The following PARM1 variants were observed in gnomAD, a reference collection of about 807,000 sequenced individuals.
The protein encoded by PARM1 is WSC4, cell wall integrity and stress response component 4 homolog.
In PARM1, 14 loss-of-function variants were observed where a neutral mutation model predicts 24.6. The ratio of observed to expected loss-of-function variants is 0.57; its 90% confidence interval spans 0.38 to 0.89. The LOEUF (loss-of-function observed/expected upper bound fraction) is 0.89, where lower values mean the gene tolerates loss of function less well. PARM1 is among the 40% of genes least tolerant of loss of function. PARM1 has a pLI of 0.00. For missense variants in PARM1, 362 were observed against 380.4 expected (o/e 0.95, Z 0.40); for synonymous variants, 179 against 156.6 (o/e 1.14, Z -1.07).
chr4:74,976,423 C>T (rs898664988), intron 1 of PARM1, among the ~76,000 whole-genome samples: 1 of 152,138 alleles, frequency 6.6e-6, no homozygotes, highest in African/African-American at 2.4e-5. Flanking sequence ...CAATTCTAGC[C>T]AGGGGTTTAC....
intron 2 of PARM1, among the ~76,000 whole-genome samples, chr4:75,031,541 G>T (rs990316475): frequency 3.3e-5 from 5 of 150,660 alleles, no homozygotes; most frequent in African/African-American, 1.2e-4. Flanking sequence ...AAAAAAAAAA[G>T]ATCACACTTT....
chr4:74,971,062 A>G (rs56295479), intron 1 of PARM1, among the ~76,000 whole-genome samples: 18,632 of 152,254 alleles, frequency 0.12, 1,381 homozygotes, highest in Non-Finnish European at 0.16. Context: ...ACTATGTTTC[A>G]TCAAGATACC....
At chr4:74,988,821 G>T (rs1317823926) in intron 1 of PARM1, among the ~76,000 whole-genome samples, 1 of 152,178 alleles carries the variant, frequency 6.6e-6, no homozygotes, top group African/African-American at 2.4e-5. Context: ...GGCAAAATGG[G>T]CCTGAGAGAA....
At chr4:75,014,372 A>G (rs145635051) in intron 2 of PARM1, among the ~76,000 whole-genome samples, 23 of 152,282 alleles carry the variant, frequency 1.5e-4, no homozygotes, top group African/African-American at 5.3e-4. Context: ...AGACACTGAG[A>G]CTGGGATAAA....
chr4:75,027,566 C>T (rs1342068116), intron 2 of PARM1, among the ~76,000 whole-genome samples: 1 of 152,160 alleles, frequency 6.6e-6, no homozygotes, highest in East Asian at 1.9e-4. Flanking sequence ...ACTCCCACTA[C>T]CACCCCACTA....
chr4:74,976,776 T>A (rs760931104), intron 1 of PARM1, among the ~76,000 whole-genome samples: 11 of 152,186 alleles, frequency 7.2e-5, no homozygotes, highest in South Asian at 6.2e-4. Flanking sequence ...TTCTGCAGTC[T>A]CCACTGCTGA....
intron 1 of PARM1, among the ~76,000 whole-genome samples, chr4:75,004,009 G>A (rs1722727842): frequency 6.6e-6 from 1 of 152,118 alleles, no homozygotes; most frequent in Non-Finnish European, 1.5e-5. Context: ...TCTAGATCAT[G>A]CATAAAGAAA....
chr4:74,969,050 ACAT>A, intron 1 of PARM1, among the ~76,000 whole-genome samples: 1 of 152,254 alleles, frequency 6.6e-6, no homozygotes, highest in African/African-American at 2.4e-5. Context: ...AAATACAAGC[ACAT>A]GGTAAACCAA....
chr4:74,951,900 A>G (rs1721532694), intron 1 of PARM1, among the ~76,000 whole-genome samples: 1 of 152,200 alleles, frequency 6.6e-6, no homozygotes, highest in African/African-American at 2.4e-5. Context: ...ATAAACATAC[A>G]TGTGCATGTG....
intron 1 of PARM1, among the ~76,000 whole-genome samples, chr4:75,008,415 C>G (rs1217832287): frequency 1.3e-5 from 2 of 152,190 alleles, no homozygotes; most frequent in Non-Finnish European, 1.5e-5. Context: ...AACCAATTCT[C>G]AGAGCTTGTC....
At chr4:74,946,080 T>C (rs1416115706) in intron 1 of PARM1, among the ~76,000 whole-genome samples, 1 of 152,208 alleles carries the variant, frequency 6.6e-6, no homozygotes, top group Non-Finnish European at 1.5e-5. Context: ...ATTCATTTCA[T>C]CTGCCACTTC....
chr4:75,020,489 AT>A (rs1325250848), intron 2 of PARM1, among the ~76,000 whole-genome samples: 15 of 137,312 alleles, frequency 1.1e-4, no homozygotes, highest in East Asian at 8.1e-4. Context: ...ACTGCCCCTC[AT>A]TTCCCCCCCC....
chr4:75,004,313 C>T (rs1722733408), intron 1 of PARM1, among the ~76,000 whole-genome samples: 1 of 152,200 alleles, frequency 6.6e-6, no homozygotes, highest in Non-Finnish European at 1.5e-5. Flanking sequence ...GGCTCCTAGC[C>T]TGAAGGGGTA....
chr4:75,019,807 T>A (rs1723054093), intron 2 of PARM1, among the ~76,000 whole-genome samples: 1 of 151,088 alleles, frequency 6.6e-6, no homozygotes, highest in East Asian at 1.9e-4. Flanking sequence ...ATCGAGACCA[T>A]CCTGGCTAAC....
At chr4:74,989,536 C>T (rs1009981092) in intron 1 of PARM1, among the ~76,000 whole-genome samples, 5 of 152,180 alleles carry the variant, frequency 3.3e-5, no homozygotes, top group Non-Finnish European at 7.4e-5. Context: ...CCAGGGACCT[C>T]CCTGTGTTCA....
intron 3 of PARM1, among the ~76,000 whole-genome samples, chr4:75,045,437 G>T (rs530333648): frequency 6.6e-6 from 1 of 152,210 alleles, no homozygotes; most frequent in South Asian, 2.1e-4. Flanking sequence ...TATTAATTAT[G>T]CAAGAGGGTC....
chr4:75,022,989 T>A (rs1263569805), intron 2 of PARM1, among the ~76,000 whole-genome samples: 1 of 152,086 alleles, frequency 6.6e-6, no homozygotes, highest in East Asian at 1.9e-4. Context: ...AAAGAGATGA[T>A]ATTTTATTTA....
At chr4:75,007,829 C>CT (rs1722800979) in intron 1 of PARM1, among the ~76,000 whole-genome samples, 1 of 152,178 alleles carries the variant, frequency 6.6e-6, no homozygotes, top group Admixed American at 6.5e-5. Flanking sequence ...AGAACTTACT[C>CT]TCTGTCTTCA....
intron 1 of PARM1, among the ~76,000 whole-genome samples, chr4:74,940,970 C>T (rs1721295442): frequency 6.6e-6 from 1 of 152,164 alleles, no homozygotes; most frequent in Non-Finnish European, 1.5e-5. Context: ...GACCTCACTG[C>T]CACTTGTTCA....
Sources: gnomAD v4.1 joint callset for allele counts (sites outside exome capture counted in the v4.1 genomes callset) on GRCh38, gnomAD v4.1.1 for gene constraint, MANE v1.5 for transcripts, NCBI Gene and HGNC (gene_info 2026-07-23, HGNC 2026-07-21) for gene names.